Variants in ORC4 observed in about 807,000 individuals in gnomAD.
ORC4 encodes the protein origin recognition complex subunit 4.
ORC4 carries 55 observed loss-of-function variants against 63.9 expected under a neutral mutation model. The observed-to-expected ratio is 0.86, with a 90% CI of 0.69 to 1.08. The LOEUF (loss-of-function observed/expected upper bound fraction) is 1.08. Among genes scored for constraint, ORC4 ranks in the 50% least tolerant of loss-of-function variants. ORC4 has a pLI of 0.00. For missense variants in ORC4, 511 were observed against 504.4 expected, an observed-to-expected ratio of 1.01 and a Z score of -0.13; for synonymous variants, 150 against 168.5, an observed-to-expected ratio of 0.89 and a Z score of 0.85.
In ORC4 at chr2:147,960,463, A is replaced by G. The variant is rs184263479; in HGVS notation, c.226-1597T>C. On this transcript the variant is annotated intron_variant, in intron 4 of 13. Transcript: ENST00000392857. ...ATATTTAAACTACATTATACACTAA[A>G]AATATTTAGTTGGTTATTAATATCA... 3 of 596,246 alleles carry G rather than the reference A, an allele frequency of 5.0e-6. No individual in the cohort carries two copies. The Admixed American group carries it at 1.9e-4, about 38-fold the overall frequency. 36.9% of individuals were successfully genotyped at this position (596,246 alleles called of 1,614,324 possible). A position where few individuals can be genotyped will look rare whatever the true frequency, so the allele number is the denominator to read the frequency against.
chr2:147,932,339 T>A lies in ORC4; in HGVS notation c.*3171A>T, dbSNP rs746929999. 1 of 152,104 alleles carries A rather than the reference T, an allele frequency of 6.6e-6. No individual in the cohort carries two copies. Among genetic ancestry groups the A allele is most frequent in the African/African-American group, 2.4e-5 (1 of 41,412 alleles). The allele number at this position is 152,104 out of a possible 1,614,324, so 9.4% of individuals were successfully genotyped here. A position where few individuals can be genotyped will look rare whatever the true frequency, so the allele number is the denominator to read the frequency against. The stretch of plus-strand genomic sequence containing the variant: ...ACAAATGGAAGAACATTCCATGCTC[T>A]TGGGTAGGAAGAATCAATATTGTGA... On this transcript the variant is annotated 3_prime_UTR_variant, in exon 14 of 14. Transcript: ENST00000392857.
intron 1 of ORC4, among the ~76,000 whole-genome samples, chr2:148,019,520 A>G (rs1693545439): frequency 6.6e-6 from 1 of 152,206 alleles, no homozygotes; most frequent in South Asian, 2.1e-4. Context: ...TGAACCCAGG[A>G]GACAGAGGTT....
At chr2:148,007,584 C>T (rs1692711821) in intron 1 of ORC4, among the ~76,000 whole-genome samples, 1 of 151,990 alleles carries the variant, frequency 6.6e-6, no homozygotes, top group Admixed American at 6.6e-5. Context: ...AAATAGCCCC[C>T]AAAAGTCATA....
intron 1 of ORC4, among the ~76,000 whole-genome samples, chr2:147,999,331 G>T (rs1692164477): frequency 6.6e-6 from 1 of 152,160 alleles, no homozygotes; most frequent in African/African-American, 2.4e-5. Flanking sequence ...AGAGGATTAA[G>T]AGAGTGTTTA....
chr2:147,981,292 C>T (rs1302625396), intron 1 of ORC4, among the ~76,000 whole-genome samples: 1 of 152,200 alleles, frequency 6.6e-6, no homozygotes, highest in Non-Finnish European at 1.5e-5. Flanking sequence ...TTATGGGACA[C>T]ATGCAATACA....
intron 1 of ORC4, among the ~76,000 whole-genome samples, chr2:147,989,850 AC>A (rs1466482195): frequency 6.6e-6 from 1 of 152,228 alleles, no homozygotes; most frequent in East Asian, 1.9e-4. Context: ...AACAACTCCT[AC>A]AAAAACCTTG....
intron 1 of ORC4, among the ~76,000 whole-genome samples, chr2:148,007,985 C>A (rs1382496118): frequency 6.6e-6 from 1 of 152,146 alleles, no homozygotes; most frequent in Non-Finnish European, 1.5e-5. Context: ...CACAAGTAAC[C>A]ACGGTTTTTG....
At chr2:148,021,477 G>GCTA (rs1042171279), upstream of ORC4, 1 of 578,594 alleles carries the variant, frequency 1.7e-6, no homozygotes, top group Non-Finnish European at 3.3e-6. Flanking sequence ...TGCTGCTGCT[G>GCTA]CTGTTGCTGC....
intron 1 of ORC4, among the ~76,000 whole-genome samples, chr2:147,982,949 T>C (rs894831705): frequency 2.6e-5 from 4 of 152,174 alleles, no homozygotes; most frequent in African/African-American, 4.8e-5. Context: ...ACCAAAGATA[T>C]GCAGGTGGCA....
intron 1 of ORC4, among the ~76,000 whole-genome samples, chr2:147,985,990 T>C (rs992322758): frequency 2.6e-5 from 4 of 152,132 alleles, no homozygotes; most frequent in African/African-American, 9.7e-5. Context: ...AGACAAAACA[T>C]AGCAGAGGAA....
intron 1 of ORC4, among the ~76,000 whole-genome samples, chr2:148,013,386 A>C (rs1693089087): frequency 6.6e-6 from 1 of 152,210 alleles, no homozygotes; most frequent in Non-Finnish European, 1.5e-5. Context: ...GAAGTCATAG[A>C]GATAGTGAGT....
chr2:148,001,904 G>C (rs1692334049), intron 1 of ORC4, among the ~76,000 whole-genome samples: 2 of 152,096 alleles, frequency 1.3e-5, no homozygotes, highest in African/African-American at 4.8e-5. Flanking sequence ...AAAATAAAGG[G>C]ATGGAGGAAT....
intron 8 of ORC4, 55 bp downstream of exon 8, chr2:147,952,318 A>T: frequency 7.5e-7 from 1 of 1,341,618 alleles, no homozygotes; most frequent in Non-Finnish European, 1.0e-6. Context: ...GTCAGCAATT[A>T]AGCTTGAATT....
intron 4 of ORC4, chr2:147,960,231 A>G (rs1689512451): frequency 1.0e-6 from 1 of 984,192 alleles, no homozygotes. Context: ...CTTTCTTTCC[A>G]CTCAACTTAC....
intron 4 of ORC4, among the ~76,000 whole-genome samples, chr2:147,967,763 C>G (rs1573808114): frequency 6.6e-6 from 1 of 151,906 alleles, no homozygotes; most frequent in African/African-American, 2.4e-5. Flanking sequence ...CCTATCATAA[C>G]ACTAATGATA....
rs1321648497 is a variant in ORC4 at position 147,934,305 on chromosome 2, C to T, written c.*1205G>A. 3 of 152,180 alleles carry T rather than the reference C, an allele frequency of 2.0e-5. No homozygotes were observed. The highest frequency in any genetic ancestry group is 4.4e-5 in the Non-Finnish European group (3 of 68,024). The allele number at this position is 152,180 out of a possible 1,614,324, so 9.4% of individuals were successfully genotyped here. A position where few individuals can be genotyped will look rare whatever the true frequency, so the allele number is the denominator to read the frequency against. ...TCAAATATTCTTGAACAAATGAAGT[C>T]ACTAAGTGCTCATTAAATTTCATTT... On this transcript the variant is annotated 3_prime_UTR_variant, in exon 14 of 14. Coordinates refer to ENST00000392857, the MANE Select transcript of ORC4 (RefSeq NM_181741.4).
intron 8 of ORC4, among the ~76,000 whole-genome samples, chr2:147,950,992 C>A (rs982587627): frequency 3.4e-5 from 5 of 146,548 alleles, no homozygotes; most frequent in African/African-American, 5.0e-5. Flanking sequence ...TCCTTGTCAT[C>A]GCCTGCTGCT....
intron 10 of ORC4, among the ~76,000 whole-genome samples, chr2:147,941,410 T>C (rs1487816728): frequency 2.6e-5 from 4 of 151,992 alleles, no homozygotes; most frequent in Non-Finnish European, 5.9e-5. Context: ...CTTACACATA[T>C]TTACATTGGC....
At chr2:147,987,038 T>C (rs984566647) in intron 1 of ORC4, among the ~76,000 whole-genome samples, 9 of 148,314 alleles carry the variant, frequency 6.1e-5, no homozygotes, top group Non-Finnish European at 1.0e-4. Context: ...CTTAAAACTA[T>C]TTTTTTTTTA....
Sources: gnomAD v4.1 joint callset for allele counts (sites outside exome capture counted in the v4.1 genomes callset) on GRCh38, gnomAD v4.1.1 for gene constraint, MANE v1.5 for transcripts, NCBI Gene and HGNC (gene_info 2026-07-23, HGNC 2026-07-21) for gene names.